Variants in ELF1 observed in about 807,000 individuals in gnomAD.
The protein encoded by ELF1 is ETS-related transcription factor Elf-1.
ELF1 carries 24 observed loss-of-function variants against 59.9 expected under a neutral mutation model. The observed-to-expected ratio is 0.40, with a 90% confidence interval of 0.29 to 0.56. The LOEUF is 0.56. Ranked by LOEUF, ELF1 falls within the 20% of genes least tolerant of loss-of-function variation. The probability of loss-of-function intolerance (pLI) is 0.44; values close to 1 mark genes in which losing one functional copy is unlikely to be tolerated. For missense variants in ELF1, 627 were observed against 742.2 expected (o/e 0.84, Z 1.80); for synonymous variants, 248 against 266.2 (o/e 0.93, Z 0.67).
intron 1 of ELF1, among the ~76,000 whole-genome samples, chr13:41,008,269 C>T (rs903722191): frequency 2.0e-5 from 3 of 152,074 alleles, no homozygotes; most frequent in African/African-American, 7.2e-5. Context: ...GTAATTTTTA[C>T]TTAAAAGAAC....
chr13:40,997,269 T>A (rs927521170), intron 1 of ELF1, among the ~76,000 whole-genome samples: 2 of 152,204 alleles, frequency 1.3e-5, no homozygotes, highest in African/African-American at 4.8e-5. Flanking sequence ...ATCTTTTTTT[T>A]TCTTTTGAGA....
chr13:41,025,565 T>C (rs927925930), intron 1 of ELF1, among the ~76,000 whole-genome samples: 2 of 152,210 alleles, frequency 1.3e-5, no homozygotes, highest in Non-Finnish European at 2.9e-5. Context: ...ATTTTAAAAA[T>C]AGAGATAAGA....
intron 8 of ELF1, among the ~76,000 whole-genome samples, chr13:40,934,786 A>G (rs1317925757): frequency 1.1e-4 from 17 of 152,224 alleles, no homozygotes; most frequent in Admixed American, 1.1e-3. Flanking sequence ...CAAAATTCAT[A>G]TAATTGTATT....
chr13:41,010,567 CTA>C (rs1875005480), intron 1 of ELF1, among the ~76,000 whole-genome samples: 1 of 149,748 alleles, frequency 6.7e-6, no homozygotes. Flanking sequence ...TCTAGTTTAT[CTA>C]TGTTTCTCTA....
chr13:40,960,860 TC>T (rs1356856616), intron 2 of ELF1, among the ~76,000 whole-genome samples: 1 of 152,232 alleles, frequency 6.6e-6, no homozygotes, highest in Non-Finnish European at 1.5e-5. Context: ...ACTAAACACT[TC>T]TCTATAAAGA....
intron 1 of ELF1, among the ~76,000 whole-genome samples, chr13:41,031,743 C>T (rs1041392005): frequency 6.8e-5 from 10 of 147,476 alleles, no homozygotes; most frequent in African/African-American, 2.3e-4. Flanking sequence ...TGCTTGAACC[C>T]GGGAGGCAGA....
At chr13:40,959,250 ACTCTG>A in intron 2 of ELF1, among the ~76,000 whole-genome samples, 1 of 152,136 alleles carries the variant, frequency 6.6e-6, no homozygotes, top group Non-Finnish European at 1.5e-5. Context: ...TAATCCCAGC[ACTCTG>A]GGAGGCCGAG....
In ELF1 at chr13:40,979,218, TAC is replaced by T. The variant is rs147590741; in HGVS notation, c.72+2763_72+2764del. On this transcript the variant is annotated intron_variant, in intron 2 of 8. Transcript: ENST00000239882. ...ATCACATAAGTGTACAAAGATACACTACACACACACACACATAATGACAAAAT... is the reference window on the plus strand; with the variant it reads ...ATCACATAAGTGTACAAAGATACACTACACACACACACATAATGACAAAAT... Among the ~76,000 whole-genome samples, 765 of 151,280 alleles carry T rather than the reference TAC, an allele frequency of 5.1e-3. 8 individuals are homozygous for T. The highest frequency in any genetic ancestry group is 0.015 in the African/African-American group (634 of 41,224).
exon 1 of ELF1, chr13:41,060,854 C>A: frequency 6.3e-6 from 2 of 316,808 alleles, no homozygotes; most frequent in South Asian, 2.6e-5. Context: ...AGCATAAGTG[C>A]CTCTGCCTCC....
rs1373173288 is a variant in ELF1, at chr13:40,943,074, G to A, written c.684C>T (p.Ile228=). 2 of 1,612,682 alleles carry A rather than the reference G, an allele frequency of 1.2e-6. No homozygotes were observed. Among genetic ancestry groups the A allele is most frequent in the Non-Finnish European group, 1.7e-6 (2 of 1,179,238 alleles). ...LQDKATCPKY[I]KWTQREKGIF... is the part of the protein sequence containing the mutation. ...TGCCTTTCTCTCGCTGGGTCCACTT[G>A]ATGTATTTAGGACAAGTAGCCTTGT... The change falls in exon 7 of 9, where the codon ATC becomes ATT. Residue 228 remains isoleucine, a synonymous_variant. Coordinates refer to ENST00000239882, the MANE Select transcript of ELF1 (RefSeq NM_172373.4).
chr13:41,020,237 C>G (rs2138392260), upstream of ELF1, among the ~76,000 whole-genome samples: 1 of 152,376 alleles, frequency 6.6e-6, no homozygotes, highest in African/African-American at 2.4e-5. Flanking sequence ...TGAAATATTA[C>G]TACACCTACT....
At chr13:40,941,431 C>A (rs1474512405) in intron 7 of ELF1, 61 bp from the exon 8 acceptor site, 2 of 1,438,186 alleles carry the variant, frequency 1.4e-6, no homozygotes, top group Non-Finnish European at 1.9e-6. Context: ...TCAACAAAAT[C>A]AAATTTCCCT....
chr13:40,980,925 T>A (rs1873223282), intron 2 of ELF1, among the ~76,000 whole-genome samples: 1 of 152,156 alleles, frequency 6.6e-6, no homozygotes, highest in East Asian at 1.9e-4. Flanking sequence ...CATCCTGCTG[T>A]TAAGGCAACT....
Position 40,943,827 on chromosome 13 carries a change from A to G in ELF1, c.613+15T>C, listed in dbSNP as rs558015013. 6.2e-7 allele frequency: 1 copy of G among 1,607,618 alleles called. No homozygotes were observed. The highest frequency in any genetic ancestry group is 8.5e-7 in the Non-Finnish European group (1 of 1,175,728). ...TCTGAGTGTTATTTGACCTATAAGT[A>G]TTACACAGTAGTACCCTTTCCATCT... On this transcript the variant is annotated intron_variant, in intron 6 of 8. Coordinates refer to ENST00000239882, the MANE Select transcript of ELF1 (RefSeq NM_172373.4).
chr13:40,958,735 A>G, intron 3 of ELF1, 101 bp downstream of exon 3: 1 of 1,440,804 alleles, frequency 6.9e-7, no homozygotes. Flanking sequence ...AATACAGTTT[A>G]AAACCAAGTT....
intron 2 of ELF1, among the ~76,000 whole-genome samples, chr13:40,971,327 A>C (rs1466306630): frequency 6.6e-6 from 1 of 152,056 alleles, no homozygotes; most frequent in Admixed American, 6.6e-5. Context: ...GCAAGATCAC[A>C]ACTCACTGCA....
chr13:40,991,538 A>T (rs1873853232), intron 1 of ELF1, among the ~76,000 whole-genome samples: 1 of 152,090 alleles, frequency 6.6e-6, no homozygotes, highest in Admixed American at 6.6e-5. Context: ...TAGTCTCCCA[A>T]AGTGCTGGGG....
At chr13:41,047,168 T>C (rs1203254197) in intron 1 of ELF1, among the ~76,000 whole-genome samples, 1 of 152,218 alleles carries the variant, frequency 6.6e-6, no homozygotes, top group South Asian at 2.1e-4. Flanking sequence ...TTATTCTAGG[T>C]AGCCATTTGT....
intron 1 of ELF1, among the ~76,000 whole-genome samples, chr13:41,012,242 G>A (rs1402834173): frequency 6.9e-6 from 1 of 144,928 alleles, no homozygotes; most frequent in African/African-American, 2.6e-5. Context: ...GAACCCAGGA[G>A]CCAGAGGTTG....
Sources: allele counts gnomAD v4.1 joint callset (sites outside exome capture counted in the v4.1 genomes callset), GRCh38; gene constraint gnomAD v4.1.1; transcripts MANE v1.5; gene names NCBI Gene and HGNC (gene_info 2026-07-23, HGNC 2026-07-21).